Variants in COMMD6 observed in about 807,000 individuals in gnomAD.
COMMD6 encodes the protein COMM domain-containing protein 6.
COMMD6 carries 11 observed loss-of-function variants against 13.4 expected under a neutral mutation model. The ratio of observed to expected loss-of-function variants is 0.82; its 90% CI spans 0.52 to 1.36. COMMD6 has a LOEUF of 1.36. Ranked by LOEUF, COMMD6 falls within the 40% of genes most tolerant of loss-of-function variation. The pLI is 0.00. For synonymous variants in COMMD6, 43 were observed against 36.5 expected (o/e 1.18, Z -0.64); for missense variants, 124 against 102.4 (o/e 1.21, Z -0.91).
intron 2 of COMMD6, among the ~76,000 whole-genome samples, chr13:75,533,622 G>A (rs55978847): frequency 6.6e-6 from 1 of 150,810 alleles, no homozygotes; most frequent in Non-Finnish European, 1.5e-5. Context: ...GGTGGCAGCA[G>A]AACACAATAA....
upstream of COMMD6, among the ~76,000 whole-genome samples, chr13:75,543,364 A>T (rs2030855431): frequency 6.6e-6 from 1 of 152,226 alleles, no homozygotes; most frequent in Non-Finnish European, 1.5e-5. Context: ...GGAATAGGAA[A>T]GAAAATGGAC....
chr13:75,543,001 A>G (rs957645482), upstream of COMMD6, among the ~76,000 whole-genome samples: 3 of 152,258 alleles, frequency 2.0e-5, no homozygotes, highest in African/African-American at 4.8e-5. Context: ...CTACACAGCC[A>G]TAAAAGAGAA....
chr13:75,536,818 TG>T (rs1290074397), intron 2 of COMMD6, among the ~76,000 whole-genome samples: 1 of 152,242 alleles, frequency 6.6e-6, no homozygotes, highest in Admixed American at 6.5e-5. Context: ...AGTATAATTC[TG>T]TTTCAGAATA....
At chr13:75,539,095 C>T (rs1431249720), upstream of COMMD6, among the ~76,000 whole-genome samples, 1 of 152,194 alleles carries the variant, frequency 6.6e-6, no homozygotes, top group Non-Finnish European at 1.5e-5. Context: ...TTAAATCTCT[C>T]TGATCTCCCT....
chr13:75,535,650 T>C (rs967529715), intron 2 of COMMD6, among the ~76,000 whole-genome samples: 4 of 152,216 alleles, frequency 2.6e-5, no homozygotes, highest in Non-Finnish European at 5.9e-5. Context: ...GTTCTCTGTA[T>C]TCGCAGTCTG....
At chr13:75,533,587 A>G (rs1357305256) in intron 2 of COMMD6, among the ~76,000 whole-genome samples, 439 of 150,468 alleles carry the variant, frequency 2.9e-3, no homozygotes, top group African/African-American at 5.3e-3. Flanking sequence ...AAAAAAAAAA[A>G]AGAGAGAGAG....
chr13:75,537,749 C>T lies in COMMD6; in HGVS notation c.42+15G>A. On this transcript the variant is annotated intron_variant, in intron 1 of 3. Coordinates refer to ENST00000682242, the MANE Select transcript of COMMD6 (RefSeq NM_203495.4). ...AGAGCCTCGCTGCCCACTCTCCTTC[C>T]AGGTTGGAACTCACATCGGACTTAG... 6.2e-7 allele frequency: 1 copy of T among 1,613,784 alleles called. No homozygotes were observed. Among genetic ancestry groups the T allele is most frequent in the East Asian group, 2.2e-5 (1 of 44,836 alleles).
rs1418511938 is a variant in COMMD6 at position 75,532,933 on chromosome 13, GT to G, written c.55-2668del. On this transcript the variant is annotated intron_variant, in intron 2 of 3. Transcript: ENST00000682242. ...TCAACTCACTGAAAGTTTTTGTTTT[GT>G]TTTTTTTTTTTTTTGAGATGGAGTC... Among the ~76,000 whole-genome samples, 224 of 134,582 alleles carry G rather than the reference GT, an allele frequency of 1.7e-3. 1 individual carries two copies. Among genetic ancestry groups the G allele is most frequent in the African/African-American group, 4.1e-3 (151 of 37,204 alleles). 88.3% of individuals were successfully genotyped at this position (134,582 alleles called of 152,430 possible).
upstream of COMMD6, among the ~76,000 whole-genome samples, chr13:75,542,384 A>G (rs1418438523): frequency 6.7e-6 from 1 of 148,446 alleles, no homozygotes; most frequent in Non-Finnish European, 1.5e-5. Flanking sequence ...CTGCCTCCTG[A>G]GCTTAAGTGA....
upstream of COMMD6, chr13:75,537,998 A>G: frequency 2.1e-6 from 1 of 481,934 alleles, no homozygotes; most frequent in Non-Finnish European, 3.6e-6. Flanking sequence ...GCTAAAAGAA[A>G]ATTATTTTAT....
chr13:75,527,697 T>C, intron 3 of COMMD6: 1 of 1,123,920 alleles, frequency 8.9e-7, no homozygotes, highest in Non-Finnish European at 1.1e-6. Flanking sequence ...ATCCTGCCAT[T>C]TGCAACAACA....
intron 3 of COMMD6, among the ~76,000 whole-genome samples, chr13:75,527,619 T>C (rs1438565613): frequency 1.3e-5 from 2 of 152,190 alleles, no homozygotes. Context: ...TATGTCTATA[T>C]GTATATACTA....
upstream of COMMD6, among the ~76,000 whole-genome samples, chr13:75,541,410 T>G (rs934016122): frequency 6.6e-6 from 1 of 151,916 alleles, no homozygotes; most frequent in African/African-American, 2.4e-5. Flanking sequence ...AGCTTCTCCA[T>G]ACATTGTTGG....
rs1593954753 is a variant in COMMD6, at chr13:75,530,155, C to T, written c.166G>A (p.Val56Ile). The T allele has an allele frequency of 6.2e-7, 1 of 1,613,756 alleles. No homozygotes were observed. The highest frequency in any genetic ancestry group is 1.1e-5 in the South Asian group (1 of 91,068). The part of the protein sequence containing the change: ...MLKVADHSGQ[V>I]KTKCFEMTIP... ...GTCATTTCAAAGCACTTGGTCTTTA[C>T]TTGGCCTGAATGATCTGCCACTTTT... is the stretch of plus-strand genomic sequence containing the variant. The change falls in exon 3 of 4, where the codon GTA (valine) becomes ATA (isoleucine). Residue 56 changes from valine to isoleucine, a missense_variant. By Grantham distance (29) the Val-to-Ile change is conservative. Transcript: ENST00000682242.
upstream of COMMD6, among the ~76,000 whole-genome samples, chr13:75,538,958 T>C (rs1384142670): frequency 6.6e-6 from 1 of 152,210 alleles, no homozygotes; most frequent in East Asian, 1.9e-4. Context: ...AGCTCAGTTC[T>C]GTGCAGTTTC....
intron 2 of COMMD6, among the ~76,000 whole-genome samples, chr13:75,534,826 TA>T (rs2030606728): frequency 6.6e-6 from 1 of 152,186 alleles, no homozygotes; most frequent in Non-Finnish European, 1.5e-5. Flanking sequence ...AACATGACTA[TA>T]AAAACTGTCT....
intron 3 of COMMD6, chr13:75,527,724 A>C (rs2030310646): frequency 8.0e-7 from 1 of 1,244,432 alleles, no homozygotes; most frequent in South Asian, 3.2e-5. Flanking sequence ...AACCTGGAGG[A>C]CATTGTGCAA....
At chr13:75,542,070 A>G (rs1054978650), upstream of COMMD6, among the ~76,000 whole-genome samples, 2 of 152,208 alleles carry the variant, frequency 1.3e-5, 1 homozygote, top group African/African-American at 4.8e-5. Flanking sequence ...GCCTACAAGT[A>G]TTAATAACAA....
intron 3 of COMMD6, 63 bp from the exon 4 acceptor site, chr13:75,526,702 T>C: frequency 8.9e-7 from 1 of 1,117,650 alleles, no homozygotes; most frequent in Non-Finnish European, 1.3e-6. Flanking sequence ...GTAGTTATTT[T>C]AATTATATCT....
Sources: gnomAD v4.1 joint callset for allele counts (sites outside exome capture counted in the v4.1 genomes callset) on GRCh38, gnomAD v4.1.1 for gene constraint, MANE v1.5 for transcripts, NCBI Gene and HGNC (gene_info 2026-07-23, HGNC 2026-07-21) for gene names.